Variants in RGPD4 observed in about 807,000 individuals in gnomAD.
RGPD4 encodes the protein ranBP2-like and GRIP domain-containing protein 4.
A neutral mutation model predicts 141.1 loss-of-function variants in RGPD4; 84 were observed. The ratio of observed to expected loss-of-function variants is 0.60; its 90% CI spans 0.50 to 0.71. The LOEUF is 0.71. RGPD4 is among the 30% of genes least tolerant of loss of function. The probability of loss-of-function intolerance (pLI) is 0.00; values close to 1 mark genes in which losing one functional copy is unlikely to be tolerated. For synonymous variants in RGPD4, 298 were observed against 566.8 expected (o/e 0.53, Z 6.74); for missense variants, 918 against 1,622.4 (o/e 0.57, Z 7.46).
chr2:107,882,767 C>T lies in RGPD4; in HGVS notation c.5160C>T (p.Phe1720=), dbSNP rs561727484. 85 of 1,611,500 alleles carry T rather than the reference C, an allele frequency of 5.3e-5. No homozygotes were observed. Among genetic ancestry groups the T allele is most frequent in the Non-Finnish European group, 6.7e-5 (79 of 1,179,864 alleles). Residue 1720 remains phenylalanine, a synonymous_variant, in exon 22 of 23, where the codon TTC becomes TTT. Coordinates refer to ENST00000408999, the MANE Select transcript of RGPD4 (RefSeq NM_182588.3). ...ACTTGAAGAACGTCTTGCTGCAGTT[C>T]ATTTTCTTGAAGCCAGGTAGTGAAA... The part of the protein sequence containing the change: ...VEHLKNVLLQ[F]IFLKPGSERE...
At chr2:107,884,353 G>A (rs1675452547) in intron 22 of RGPD4, among the ~76,000 whole-genome samples, 1 of 152,146 alleles carries the variant, frequency 6.6e-6, no homozygotes, top group Admixed American at 6.5e-5. Flanking sequence ...GCCCACCTTG[G>A]CCTCCCAAAG....
chr2:107,829,877 T>C (rs1681413396), intron 1 of RGPD4, among the ~76,000 whole-genome samples: 1 of 151,640 alleles, frequency 6.6e-6, no homozygotes. Context: ...TTTCTTCCCA[T>C]CTCCTGGACA....
At chr2:107,866,120 T>TC (rs1419624109) in intron 17 of RGPD4, 70 bp from the exon 18 acceptor site, 2 of 418,562 alleles carry the variant, frequency 4.8e-6, no homozygotes, top group Admixed American at 8.5e-5. Flanking sequence ...AGAGTAAGTT[T>TC]CCCCAGCACT....
intron 1 of RGPD4, among the ~76,000 whole-genome samples, chr2:107,835,595 A>G (rs973753172): frequency 6.6e-5 from 10 of 152,084 alleles, no homozygotes; most frequent in African/African-American, 2.2e-4. Context: ...TTTCCCATAG[A>G]GGCTTACACA....
Position 107,890,978 on chromosome 2 carries a change from G to A in RGPD4, c.*247G>A. 3.3e-6 allele frequency: 2 copies of A among 601,596 alleles called. No individual in the cohort carries two copies. The highest frequency in any genetic ancestry group is 6.6e-5 in the Admixed American group (2 of 30,454). 37.3% of individuals were successfully genotyped at this position (601,596 alleles called of 1,614,324 possible). Reference sequence around the variant, plus strand: ...TAAAAGTACAACAGCTTGAAGTATTGATACCAGGCCACAGCCCTCTAACTC... The same window carrying A: ...TAAAAGTACAACAGCTTGAAGTATTAATACCAGGCCACAGCCCTCTAACTC... On this transcript the variant is annotated 3_prime_UTR_variant, in exon 23 of 23. Transcript: ENST00000408999.
chr2:107,854,412 T>G lies in RGPD4; in HGVS notation c.979-144T>G, dbSNP rs1682232974. ...TTATATAAATTCCTTGGTTCCCAGTTTTTGCAGTCTTTTCCAATTCAGTTT... is the reference window on the plus strand; with the variant it reads ...TTATATAAATTCCTTGGTTCCCAGTGTTTGCAGTCTTTTCCAATTCAGTTT... On this transcript the variant is annotated intron_variant, in intron 7 of 22. Coordinates refer to ENST00000408999, the MANE Select transcript of RGPD4 (RefSeq NM_182588.3). 5.8e-6 allele frequency: 4 copies of G among 693,990 alleles called. 1 individual carries two copies. In the South Asian group the frequency reaches 5.9e-5, roughly 10 times the overall value. 43.0% of individuals were successfully genotyped at this position (693,990 alleles called of 1,614,324 possible).
At chr2:107,888,367 T>C (rs1023612938) in intron 22 of RGPD4, among the ~76,000 whole-genome samples, 7 of 151,148 alleles carry the variant, frequency 4.6e-5, no homozygotes, top group African/African-American at 1.7e-4. Flanking sequence ...CAGGTGAACA[T>C]ACAACAGTGC....
At position 107,891,145 on chromosome 2, in the gene RGPD4, TG is replaced by T. The variant is rs2104526845; in HGVS notation, c.*416del. 7.0e-6 allele frequency among the ~76,000 whole-genome samples: 1 copy of T among 142,602 alleles called. No homozygotes were observed. The highest frequency in any genetic ancestry group is 2.3e-4 in the South Asian group (1 of 4,414). The allele number at this position is 142,602 out of a possible 152,430, so 93.6% of individuals were successfully genotyped here. A position where few individuals can be genotyped will look rare whatever the true frequency, so the allele number is the denominator to read the frequency against. The stretch of plus-strand genomic sequence containing the variant: ...AACTAAATTTTGGTACCATACCAAC[TG>T]GAATTTAGGCTTTAAAAATAATGTT... On this transcript the variant is annotated 3_prime_UTR_variant, in exon 23 of 23. Coordinates refer to ENST00000408999, the MANE Select transcript of RGPD4 (RefSeq NM_182588.3).
At chr2:107,844,410 C>T (rs1681842860) in intron 6 of RGPD4, among the ~76,000 whole-genome samples, 1 of 152,186 alleles carries the variant, frequency 6.6e-6, no homozygotes, top group South Asian at 2.1e-4. Context: ...TCTGTGGCTG[C>T]TTACATACTA....
intron 21 of RGPD4, among the ~76,000 whole-genome samples, chr2:107,882,213 C>T (rs1675386658): frequency 6.6e-6 from 1 of 151,740 alleles, no homozygotes; most frequent in African/African-American, 2.4e-5. Context: ...GTCAGTGATA[C>T]TTGGTAAGCT....
chr2:107,886,600 G>A (rs1675519198), intron 22 of RGPD4, among the ~76,000 whole-genome samples: 1 of 151,658 alleles, frequency 6.6e-6, no homozygotes, highest in Admixed American at 6.6e-5. Flanking sequence ...ATGCCAGAAA[G>A]AAAGACATGC....
At chr2:107,866,613 T>A (rs1382840311) in intron 18 of RGPD4, among the ~76,000 whole-genome samples, 20 of 126,822 alleles carry the variant, frequency 1.6e-4, no homozygotes, top group African/African-American at 4.2e-4. Flanking sequence ...AAAAATGTTA[T>A]TGAATAGAGT....
intron 1 of RGPD4, among the ~76,000 whole-genome samples, chr2:107,827,607 C>T (rs1340305101): frequency 1.6e-5 from 1 of 63,878 alleles, no homozygotes; most frequent in African/African-American, 7.6e-5. Context: ...GGCCCGGCGG[C>T]GGCCTCGATG....
intron 9 of RGPD4, among the ~76,000 whole-genome samples, chr2:107,858,397 CCTTTTCTTTTCTTTT>C (rs76894491): frequency 2.9e-3 from 404 of 140,840 alleles, no homozygotes; most frequent in African/African-American, 8.1e-3. Context: ...AAGCACATAA[CCTTTTCTTTTCTTTT>C]CTTTTCTTTT....
At chr2:107,879,759 G>T (rs2260202) in intron 20 of RGPD4, among the ~76,000 whole-genome samples, 12,857 of 138,650 alleles carry the variant, frequency 0.093, 623 homozygotes, top group East Asian at 0.2. Context: ...TCAGTTAGAT[G>T]ACATGCTTTA....
At chr2:107,863,505 A>AT (rs1286024491) in intron 17 of RGPD4, among the ~76,000 whole-genome samples, 1 of 142,614 alleles carries the variant, frequency 7.0e-6, no homozygotes, top group Non-Finnish European at 1.5e-5. Context: ...ATTTTATTTT[A>AT]TTTTTGAGAC....
intron 18 of RGPD4, among the ~76,000 whole-genome samples, chr2:107,866,888 G>T (rs553910944): frequency 6.7e-6 from 1 of 149,216 alleles, no homozygotes; most frequent in Non-Finnish European, 1.5e-5. Context: ...ATTTGTGTAT[G>T]TGCAGGTGGG....
In RGPD4 at chr2:107,826,950, A is replaced by G; in HGVS notation, c.-64A>G. The G allele has an allele frequency of 6.4e-7, 1 of 1,554,948 alleles. No homozygotes were observed. Among genetic ancestry groups the G allele is most frequent in the Non-Finnish European group, 8.7e-7 (1 of 1,150,160 alleles). ...GGCTTTCAGGCGCTTTCCTGTTGGA[A>G]TTGGCGACTGCTGCGGGGCTGAGCG... On this transcript the variant is annotated 5_prime_UTR_variant, in exon 1 of 23. Coordinates refer to ENST00000408999, the MANE Select transcript of RGPD4 (RefSeq NM_182588.3).
chr2:107,844,308 G>A (rs1325918926), intron 6 of RGPD4, among the ~76,000 whole-genome samples: 1 of 151,788 alleles, frequency 6.6e-6, no homozygotes, highest in African/African-American at 2.4e-5. Context: ...TTTAGAGCAG[G>A]GGTTGTTGAT....
Sources: allele counts gnomAD v4.1 joint callset (sites outside exome capture counted in the v4.1 genomes callset), GRCh38; gene constraint gnomAD v4.1.1; transcripts MANE v1.5; gene names NCBI Gene and HGNC (gene_info 2026-07-23, HGNC 2026-07-21).